The following RUNDC3B variants were observed in gnomAD, a reference collection of about 807,000 sequenced individuals.
The protein encoded by RUNDC3B is RUN domain containing 3B.
RUNDC3B carries 33 observed loss-of-function variants against 58.4 expected under a neutral mutation model. The ratio of observed to expected loss-of-function variants is 0.56; its 90% CI spans 0.43 to 0.75. The LOEUF (loss-of-function observed/expected upper bound fraction) is 0.75, where lower values mean the gene tolerates loss of function less well. RUNDC3B is among the 30% of genes least tolerant of loss of function. The pLI is 0.00. For synonymous variants in RUNDC3B, 193 were observed against 195.2 expected, an observed-to-expected ratio of 0.99 and a Z score of 0.10; for missense variants, 501 against 535.7, an observed-to-expected ratio of 0.94 and a Z score of 0.64.
chr7:87,814,101 CT>C (rs528299203), intron 9 of RUNDC3B, among the ~76,000 whole-genome samples: 1,889 of 138,658 alleles, frequency 0.014, 31 homozygotes, highest in African/African-American at 0.041. Flanking sequence ...TCTTTCTTTC[CT>C]TTTTTTTTTT....
In RUNDC3B at chr7:87,680,217, T is replaced by G. The variant is rs950580488; in HGVS notation, c.239-20204T>G. Among the ~76,000 whole-genome samples, 15 of 150,520 alleles carry G rather than the reference T, an allele frequency of 1.0e-4. 1 individual carries two copies. The highest frequency in any genetic ancestry group is 3.7e-4 in the African/African-American group (15 of 40,506). ...CAAAGGACATGACCTCATCCCTTTT[T>G]GTGGCTGCGTAGTATTCCATGGTGT... On this transcript the variant is annotated intron_variant, in intron 2 of 10. Coordinates refer to ENST00000394654, the MANE Select transcript of RUNDC3B (RefSeq NM_001134405.2).
At chr7:87,786,600 A>G (rs533131234) in intron 8 of RUNDC3B, among the ~76,000 whole-genome samples, 32 of 152,116 alleles carry the variant, frequency 2.1e-4, no homozygotes, top group Admixed American at 5.9e-4. Flanking sequence ...ATAATTTTAC[A>G]ATTAAAATAT....
intron 4 of RUNDC3B, among the ~76,000 whole-genome samples, chr7:87,736,883 ATATATATTTTTT>A (rs1384316954): frequency 1.3e-4 from 5 of 38,058 alleles, no homozygotes; most frequent in Non-Finnish European, 1.3e-4. Context: ...ATATATATAT[ATATATATTTTTT>A]TTTTTTTTTT....
At chr7:87,688,334 A>G (rs1467960302) in intron 2 of RUNDC3B, among the ~76,000 whole-genome samples, 1 of 151,890 alleles carries the variant, frequency 6.6e-6, no homozygotes, top group Non-Finnish European at 1.5e-5. Flanking sequence ...TAATCACTAC[A>G]TAGTTTCTAA....
At chr7:87,809,799 G>A (rs1203976368) in intron 9 of RUNDC3B, among the ~76,000 whole-genome samples, 1 of 152,124 alleles carries the variant, frequency 6.6e-6, no homozygotes, top group African/African-American at 2.4e-5. Context: ...TAAAAATCAC[G>A]TTTGAAACCA....
chr7:87,711,330 A>T (rs1830063934), intron 4 of RUNDC3B, among the ~76,000 whole-genome samples: 1 of 151,848 alleles, frequency 6.6e-6, no homozygotes, highest in African/African-American at 2.4e-5. Flanking sequence ...CTGTCTCAAA[A>T]AATATATATA....
rs368329695 is a variant in RUNDC3B at position 87,777,400 on chromosome 7, TCTCA to T, written c.799-395_799-392del. Among the ~76,000 whole-genome samples the T allele has an allele frequency of 4.7e-3, 722 of 152,314 alleles. 3 individuals are homozygous for T. Among genetic ancestry groups the T allele is most frequent in the African/African-American group, 0.016 (683 of 41,584 alleles). ...CAGGCCTAACCAAAATTATACTACC[TCTCA>T]CTAACATATTAATGCTAAAATGTTA... On this transcript the variant is annotated intron_variant, in intron 7 of 10. Coordinates refer to ENST00000394654, the MANE Select transcript of RUNDC3B (RefSeq NM_001134405.2).
At position 87,628,884 on chromosome 7, in the gene RUNDC3B, A is replaced by G; in HGVS notation, c.61A>G (p.Lys21Glu). The change falls in exon 1 of 11, where the codon AAG becomes GAG. Residue 21 changes from lysine (K) to glutamate (E), a missense_variant. Physicochemically the swap from Lys to Glu is moderately conservative, Grantham distance 56 (BLOSUM62 1). Coordinates refer to ENST00000394654, the MANE Select transcript of RUNDC3B (RefSeq NM_001134405.2). ...CCGCGGCGGTGGCGGCGGAGGCGGC[A>G]AGAAAAGCCTGAGCGCCCGCAATGC... ...GIRGGGGGGGKKSLSARNAAV... is the reference protein window; with the variant it reads ...GIRGGGGGGGEKSLSARNAAV... 7.7e-7 allele frequency: 1 copy of G among 1,298,716 alleles called. No individual in the cohort carries two copies. Among genetic ancestry groups the G allele is most frequent in the Non-Finnish European group, 9.8e-7 (1 of 1,016,224 alleles). 80.4% of individuals were successfully genotyped at this position (1,298,716 alleles called of 1,614,324 possible). A position where few individuals can be genotyped will look rare whatever the true frequency, so the allele number is the denominator to read the frequency against.
chr7:87,683,643 C>T (rs193123398), intron 2 of RUNDC3B, among the ~76,000 whole-genome samples: 1 of 152,184 alleles, frequency 6.6e-6, no homozygotes, highest in East Asian at 1.9e-4. Context: ...TGGTTCATGG[C>T]GCCCCAAAAT....
intron 1 of RUNDC3B, among the ~76,000 whole-genome samples, chr7:87,644,362 A>G (rs1489166193): frequency 6.6e-6 from 1 of 152,218 alleles, no homozygotes; most frequent in Non-Finnish European, 1.5e-5. Flanking sequence ...TGTTATTTTA[A>G]TGGCAGAGGA....
chr7:87,807,721 T>C (rs958916066), intron 9 of RUNDC3B, among the ~76,000 whole-genome samples: 1 of 152,186 alleles, frequency 6.6e-6, no homozygotes, highest in Non-Finnish European at 1.5e-5. Flanking sequence ...TTTCCTTTAG[T>C]TGAATCTTCA....
intron 6 of RUNDC3B, among the ~76,000 whole-genome samples, chr7:87,762,211 T>A (rs2130855642): frequency 6.6e-6 from 1 of 151,832 alleles, no homozygotes; most frequent in South Asian, 2.1e-4. Flanking sequence ...TTTTTCTGCA[T>A]CTATTAAAAT....
In RUNDC3B at chr7:87,710,711, C is replaced by A; in HGVS notation, c.458+56C>A. On this transcript the variant is annotated intron_variant, in intron 4 of 10. Transcript: ENST00000394654. ...TATTTGAAAGAATCACCTGAAGACT[C>A]AGAAATCAGAATAGGATGAAGAATC... is the stretch of plus-strand genomic sequence containing the variant. 3.2e-6 allele frequency: 3 copies of A among 932,564 alleles called. No individual in the cohort carries two copies. The South Asian group carries it at 4.6e-5, about 14-fold the overall frequency. The allele number at this position is 932,564 out of a possible 1,614,324, so 57.8% of individuals were successfully genotyped here. A position where few individuals can be genotyped will look rare whatever the true frequency, so the allele number is the denominator to read the frequency against.
At chr7:87,756,721 C>G (rs1467450254) in intron 6 of RUNDC3B, among the ~76,000 whole-genome samples, 1 of 151,948 alleles carries the variant, frequency 6.6e-6, no homozygotes, top group Non-Finnish European at 1.5e-5. Context: ...ATATTTCTGA[C>G]AAATAATGTT....
At position 87,628,747 on chromosome 7, in the gene RUNDC3B, A is replaced by G; in HGVS notation, c.-77A>G. ...CCCGCGCCCCCACGGTTGCGGACCG[A>G]GCGAGAACCCCCTTAAGCAGGTGTG... On this transcript the variant is annotated 5_prime_UTR_variant, in exon 1 of 11. Transcript: ENST00000394654. 3 of 928,322 alleles carry G rather than the reference A, an allele frequency of 3.2e-6. No individual in the cohort carries two copies. The highest frequency in any genetic ancestry group is 4.3e-6 in the Non-Finnish European group (3 of 700,264). The allele number at this position is 928,322 out of a possible 1,614,324, so 57.5% of individuals were successfully genotyped here.
intron 10 of RUNDC3B, among the ~76,000 whole-genome samples, chr7:87,824,568 G>T (rs1837693784): frequency 6.6e-6 from 1 of 152,170 alleles, no homozygotes; most frequent in Admixed American, 6.5e-5. Context: ...CTGCTGAAAA[G>T]ATACCCAAAC....
rs139589723 is a variant in RUNDC3B, at chr7:87,788,193, C to A, written c.956+10238C>A. Among the ~76,000 whole-genome samples the A allele has an allele frequency of 3.9e-3, 594 of 152,200 alleles. 3 individuals are homozygous for A. The highest frequency in any genetic ancestry group is 0.014 in the African/African-American group (571 of 41,512). On this transcript the variant is annotated intron_variant, in intron 8 of 10. Transcript: ENST00000394654. Reference sequence around the variant, plus strand: ...ATCCCAGAGCTTTGAGAGGCCAAGGCGAGAGAATCACTTGAGGCCTGCAGT... The same window carrying A: ...ATCCCAGAGCTTTGAGAGGCCAAGGAGAGAGAATCACTTGAGGCCTGCAGT...
At chr7:87,633,727 T>G (rs1821459223) in intron 1 of RUNDC3B, among the ~76,000 whole-genome samples, 6 of 152,150 alleles carry the variant, frequency 3.9e-5, no homozygotes, top group Admixed American at 3.9e-4. Flanking sequence ...GCTTTAGAAC[T>G]CTGAACTTCT....
intron 4 of RUNDC3B, among the ~76,000 whole-genome samples, chr7:87,725,225 T>C (rs1831147760): frequency 6.6e-6 from 1 of 152,188 alleles, no homozygotes; most frequent in Non-Finnish European, 1.5e-5. Context: ...TATCTCCTAA[T>C]GCTTTCCCTC....
Sources: allele counts gnomAD v4.1 joint callset (sites outside exome capture counted in the v4.1 genomes callset), GRCh38; gene constraint gnomAD v4.1.1; transcripts MANE v1.5; gene names NCBI Gene and HGNC (gene_info 2026-07-23, HGNC 2026-07-21).